The following PLCG2 variants were observed in gnomAD, a reference collection of about 807,000 sequenced individuals.
PLCG2 encodes the protein phospholipase C gamma 2.
In PLCG2, 69 loss-of-function variants were observed where a neutral mutation model predicts 175.6. That is an observed-to-expected ratio of 0.39 (90% CI 0.32 to 0.48). The LOEUF (loss-of-function observed/expected upper bound fraction) is 0.48, where lower values mean the gene tolerates loss of function less well. Ranked by LOEUF, PLCG2 falls within the 20% of genes least tolerant of loss-of-function variation. The pLI is 0.91. For missense variants in PLCG2, 1,798 were observed against 1,650.9 expected (o/e 1.09, Z -1.54); for synonymous variants, 827 against 624.0 (o/e 1.33, Z -4.85).
chr16:81,874,465 G>A (rs978310697), intron 7 of PLCG2, among the ~76,000 whole-genome samples: 2 of 152,226 alleles, frequency 1.3e-5, no homozygotes, highest in African/African-American at 4.8e-5. Flanking sequence ...CTTCTGGCCA[G>A]CTCTAAGAAC....
intron 2 of PLCG2, among the ~76,000 whole-genome samples, chr16:81,816,560 C>G (rs1332493073): frequency 6.6e-6 from 1 of 150,508 alleles, no homozygotes; most frequent in Non-Finnish European, 1.5e-5. Flanking sequence ...TCAACTACTG[C>G]CTTGACCTCC....
At chr16:81,911,674 G>A (rs1415111719) in intron 18 of PLCG2, among the ~76,000 whole-genome samples, 2 of 151,710 alleles carry the variant, frequency 1.3e-5, no homozygotes, top group Non-Finnish European at 2.9e-5. Flanking sequence ...GCAATGGCAC[G>A]ATCTCAGCTC....
intron 2 of PLCG2, among the ~76,000 whole-genome samples, chr16:81,825,283 A>ATTTTT (rs577002663): frequency 1.0e-4 from 12 of 115,872 alleles, no homozygotes; most frequent in Non-Finnish European, 1.6e-4. Context: ...AGATGCTCTA[A>ATTTTT]TTTTTTTTTT....
rs1054453550 is a variant in PLCG2 at position 81,779,412 on chromosome 16, G to A, written c.-60G>A. The A allele has an allele frequency of 1.3e-5, 2 of 151,324 alleles. No individual in the cohort carries two copies. Among genetic ancestry groups the A allele is most frequent in the African/African-American group, 2.4e-5 (1 of 41,350 alleles). The allele number at this position is 151,324 out of a possible 1,614,324, so 9.4% of individuals were successfully genotyped here. A position where few individuals can be genotyped will look rare whatever the true frequency, so the allele number is the denominator to read the frequency against. On this transcript the variant is annotated 5_prime_UTR_variant, in exon 1 of 33. Coordinates refer to ENST00000564138, the MANE Select transcript of PLCG2 (RefSeq NM_002661.5). ...GGGGCAGGCGGGCAGCTGTGCCCGGGCGGCACGGCCAGGTGAGCTGCCCGG... is the reference window on the plus strand; with the variant it reads ...GGGGCAGGCGGGCAGCTGTGCCCGGACGGCACGGCCAGGTGAGCTGCCCGG...
intron 2 of PLCG2, among the ~76,000 whole-genome samples, chr16:81,828,379 A>G (rs926825177): frequency 6.7e-6 from 1 of 150,154 alleles, no homozygotes; most frequent in African/African-American, 2.4e-5. Flanking sequence ...CTGGGACTAC[A>G]GGTGCCTGCC....
At chr16:81,956,157 T>G (rs1440553822) in intron 31 of PLCG2, among the ~76,000 whole-genome samples, 2 of 152,210 alleles carry the variant, frequency 1.3e-5, no homozygotes, top group African/African-American at 4.8e-5. Context: ...GTGTGATTTG[T>G]GATCTTTTAG....
chr16:81,748,213 A>G (rs1909741896), intron 1 of PLCG2, among the ~76,000 whole-genome samples: 1 of 152,174 alleles, frequency 6.6e-6, no homozygotes, highest in Non-Finnish European at 1.5e-5. Flanking sequence ...AACATGGTGA[A>G]ACTCCATCTC....
intron 2 of PLCG2, among the ~76,000 whole-genome samples, chr16:81,812,951 T>C (rs1904382419): frequency 6.6e-6 from 1 of 152,228 alleles, no homozygotes; most frequent in Admixed American, 6.5e-5. Context: ...CCGTTGCTTG[T>C]TTTTGTCAAG....
At chr16:81,799,237 C>G (rs148690185) in intron 2 of PLCG2, among the ~76,000 whole-genome samples, 3 of 152,322 alleles carry the variant, frequency 2.0e-5, no homozygotes, top group African/African-American at 7.2e-5. Flanking sequence ...CCCGCCACCC[C>G]CCTACCCAGA....
chr16:81,810,449 C>G (rs1238403031), intron 2 of PLCG2, among the ~76,000 whole-genome samples: 2 of 152,218 alleles, frequency 1.3e-5, no homozygotes, highest in African/African-American at 4.8e-5. Flanking sequence ...TATTTGCAAC[C>G]TGCAAACCAG....
chr16:81,765,371 C>T (rs1017693470), intron 2 of PLCG2, among the ~76,000 whole-genome samples: 6 of 152,232 alleles, frequency 3.9e-5, no homozygotes, highest in African/African-American at 1.4e-4. Context: ...AGGCTCATGC[C>T]TGTAATTCCA....
chr16:81,885,234 G>T (rs1377313462), intron 9 of PLCG2, among the ~76,000 whole-genome samples: 1 of 152,150 alleles, frequency 6.6e-6, no homozygotes, highest in Non-Finnish European at 1.5e-5. Context: ...ATGTTGGTCA[G>T]CCTGGTCTTG....
In PLCG2 at chr16:81,960,058, G is replaced by C. The variant is rs1330279459; in HGVS notation, c.*2060G>C. Reference sequence around the variant, plus strand: ...CATGCGTGGCCAAAGAGAAGTCAGGGGATTATGACATAAATGGTGCTGGGA... The same window carrying C: ...CATGCGTGGCCAAAGAGAAGTCAGGCGATTATGACATAAATGGTGCTGGGA... On this transcript the variant is annotated 3_prime_UTR_variant, in exon 33 of 33. Transcript: ENST00000564138. The C allele has an allele frequency of 4.6e-6, 1 of 218,372 alleles. No individual in the cohort carries two copies. Among genetic ancestry groups the C allele is most frequent in the Non-Finnish European group, 9.2e-6 (1 of 108,866 alleles). The allele number at this position is 218,372 out of a possible 1,614,324, so 13.5% of individuals were successfully genotyped here.
intron 15 of PLCG2, among the ~76,000 whole-genome samples, 175 bp from the exon 16 acceptor site, chr16:81,907,510 T>A (rs895275861): frequency 6.6e-6 from 1 of 152,166 alleles, no homozygotes; most frequent in African/African-American, 2.4e-5. Flanking sequence ...ATCGATATTT[T>A]AAAAAAGAAA....
At chr16:81,851,647 G>A (rs1288464300) in intron 2 of PLCG2, among the ~76,000 whole-genome samples, 2 of 152,144 alleles carry the variant, frequency 1.3e-5, no homozygotes, top group East Asian at 3.9e-4. Context: ...CAAGTAGCTG[G>A]TACAACTGGC....
At chr16:81,744,738 A>AT (rs796901735) in intron 1 of PLCG2, among the ~76,000 whole-genome samples, 278 of 149,304 alleles carry the variant, frequency 1.9e-3, no homozygotes, top group African/African-American at 5.8e-3. Flanking sequence ...TACCCAGCTA[A>AT]TTTTTTTTTT....
At chr16:81,861,394 G>A (rs1042137022) in intron 5 of PLCG2, among the ~76,000 whole-genome samples, 1 of 152,194 alleles carries the variant, frequency 6.6e-6, no homozygotes, top group Non-Finnish European at 1.5e-5. Flanking sequence ...GTTTGGGTGA[G>A]CTTCCCTGGT....
chr16:81,787,929 T>C (rs1445455035), intron 2 of PLCG2, among the ~76,000 whole-genome samples: 1 of 152,216 alleles, frequency 6.6e-6, no homozygotes, highest in Non-Finnish European at 1.5e-5. Flanking sequence ...AGAATCACGA[T>C]ACGTTGTATG....
intron 7 of PLCG2, among the ~76,000 whole-genome samples, chr16:81,874,441 A>G (rs1463863276): frequency 6.6e-6 from 1 of 152,230 alleles, no homozygotes; most frequent in African/African-American, 2.4e-5. Context: ...CAAAGTCCCA[A>G]GCTATGTAGA....
Sources: allele counts gnomAD v4.1 joint callset (sites outside exome capture counted in the v4.1 genomes callset), GRCh38; gene constraint gnomAD v4.1.1; transcripts MANE v1.5; gene names NCBI Gene and HGNC (gene_info 2026-07-23, HGNC 2026-07-21).